The following ADGRE3 variants were observed in gnomAD, a reference collection of about 807,000 sequenced individuals.
ADGRE3 encodes adhesion G protein-coupled receptor E3, also known as EGF-like module receptor 3.
ADGRE3 carries 88 observed loss-of-function variants against 80.1 expected under a neutral mutation model. The ratio of observed to expected loss-of-function variants is 1.10; its 90% CI spans 0.93 to 1.31. The LOEUF (loss-of-function observed/expected upper bound fraction) is 1.31. Ranked by LOEUF, ADGRE3 falls within the 40% of genes most tolerant of loss-of-function variation. The pLI is 0.00. For missense variants in ADGRE3, 715 were observed against 776.5 expected (o/e 0.92, Z 0.94); for synonymous variants, 281 against 294.8 (o/e 0.95, Z 0.48).
chr19:14,627,416 T>A (rs1270263735), intron 14 of ADGRE3, among the ~76,000 whole-genome samples: 1 of 152,224 alleles, frequency 6.6e-6, no homozygotes, highest in East Asian at 1.9e-4. Context: ...CTCGCTCTGT[T>A]GCTCAGGCTG....
chr19:14,630,597 G>T (rs1348256726), intron 13 of ADGRE3, among the ~76,000 whole-genome samples: 2 of 151,778 alleles, frequency 1.3e-5, no homozygotes, highest in Non-Finnish European at 2.9e-5. Flanking sequence ...TATTTTTAGT[G>T]GAGATGGGGT....
At chr19:14,623,301 A>T (rs1409268797) in intron 15 of ADGRE3, among the ~76,000 whole-genome samples, 771 of 24,652 alleles carry the variant, frequency 0.031, 204 homozygotes, top group African/African-American at 0.17. Flanking sequence ...AAAAAAAATA[A>T]AAAAAAAAAA....
At chr19:14,630,693 C>T (rs914521238) in intron 13 of ADGRE3, among the ~76,000 whole-genome samples, 3 of 151,706 alleles carry the variant, frequency 2.0e-5, no homozygotes, top group East Asian at 2.0e-4. Context: ...GGATTAAAGG[C>T]GTGAACCACT....
At chr19:14,612,724 G>A in the ADGRE3 span, among the ~76,000 whole-genome samples, 2 of 152,104 alleles carry the variant, frequency 1.3e-5, no homozygotes, top group African/African-American at 4.8e-5. Context: ...ATTTGGGAGG[G>A]GTGGCACAAT....
At chr19:14,636,911 T>C (rs557544319) in intron 11 of ADGRE3, among the ~76,000 whole-genome samples, 4 of 152,142 alleles carry the variant, frequency 2.6e-5, no homozygotes, top group African/African-American at 7.2e-5. Context: ...CTGGTCAACA[T>C]GGTGAAACCC....
chr19:14,654,125 G>A (rs1018320329), intron 6 of ADGRE3, among the ~76,000 whole-genome samples: 7 of 151,630 alleles, frequency 4.6e-5, no homozygotes, highest in Admixed American at 2.0e-4. Flanking sequence ...GCTAATTTCT[G>A]TATTTTTAGT....
At chr19:14,653,598 G>GCTCT (rs1971665425) in intron 6 of ADGRE3, among the ~76,000 whole-genome samples, 2 of 151,590 alleles carry the variant, frequency 1.3e-5, no homozygotes, top group Non-Finnish European at 2.9e-5. Flanking sequence ...TTTGAGACAG[G>GCTCT]CTCTCACTCT....
In ADGRE3 at chr19:14,658,525, C is replaced by G. The variant is rs1749258937; in HGVS notation, c.381G>C (p.Glu127Asp). The change falls in exon 5 of 16, where the codon GAG becomes GAC. Residue 127 changes from glutamate to aspartate, a missense_variant. By Grantham distance (45) the Glu-to-Asp change is conservative. Transcript: ENST00000253673. ...CQDTTSSKTTEGRKELQKIVD... is the reference protein window; with the variant it reads ...CQDTTSSKTTDGRKELQKIVD... ...AGCCTCCACTCACCTCTTTCCTGCC[C>G]TCGGTTGTCTTTGAGGAGGTGGTGT... 4 of 1,569,218 alleles carry G rather than the reference C, an allele frequency of 2.5e-6. No individual in the cohort carries two copies. Among genetic ancestry groups the G allele is most frequent in the Admixed American group, 1.8e-5 (1 of 55,544 alleles).
intron 8 of ADGRE3, among the ~76,000 whole-genome samples, chr19:14,646,738 CTTTG>C (rs1175614157): frequency 1.1e-4 from 13 of 118,474 alleles, no homozygotes; most frequent in Non-Finnish European, 2.1e-4. Flanking sequence ...CTTCTTTCCT[CTTTG>C]TTTCTTTGTT....
the ADGRE3 span, among the ~76,000 whole-genome samples, chr19:14,602,049 C>T: frequency 4.6e-5 from 7 of 152,132 alleles, no homozygotes; most frequent in African/African-American, 1.7e-4. Flanking sequence ...GCCTCGGCCT[C>T]CCAAAGTGCT....
chr19:14,666,988 G>T (rs961307481), intron 2 of ADGRE3, among the ~76,000 whole-genome samples: 1 of 152,182 alleles, frequency 6.6e-6, no homozygotes, highest in African/African-American at 2.4e-5. Context: ...GGTCTGTACA[G>T]ATGTAATCAA....
At chr19:14,672,603 C>T (rs1459380275) in intron 1 of ADGRE3, among the ~76,000 whole-genome samples, 1 of 152,062 alleles carries the variant, frequency 6.6e-6, no homozygotes, top group Non-Finnish European at 1.5e-5. Context: ...TCTCTTTTTG[C>T]CTAATTGCTC....
Position 14,630,167 on chromosome 19 carries a change from C to T in ADGRE3, c.1684G>A (p.Gly562Ser). ...AGCAAGCCCAGACACCATGTGCAGC[C>T]CAGGATGAAGAGCTGAGCTGTTGCT... ...FKATAQLFILGCTWCLGLLQV... is the reference protein window; with the variant it reads ...FKATAQLFILSCTWCLGLLQV... The change falls in exon 14 of 16, where the codon GGC becomes AGC. Residue 562 changes from glycine (G) to serine (S), a missense_variant. Physicochemically the swap from Gly to Ser is moderately conservative, Grantham distance 56. Coordinates refer to ENST00000253673, the MANE Select transcript of ADGRE3 (RefSeq NM_032571.5). The T allele has an allele frequency of 6.2e-7, 1 of 1,611,988 alleles. No individual in the cohort carries two copies. The highest frequency in any genetic ancestry group is 8.5e-7 in the Non-Finnish European group (1 of 1,178,710).
chr19:14,623,699 A>G (rs1445316919), intron 15 of ADGRE3, among the ~76,000 whole-genome samples: 1 of 152,074 alleles, frequency 6.6e-6, no homozygotes, highest in Non-Finnish European at 1.5e-5. Flanking sequence ...CCACATCTTT[A>G]TGGACAGTGG....
chr19:14,617,377 C>CTTTCTTTCTTTTTCTTTCTTT, downstream of ADGRE3, among the ~76,000 whole-genome samples: 2 of 86,362 alleles, frequency 2.3e-5, no homozygotes, highest in East Asian at 7.0e-4. Flanking sequence ...TTTCTTTCTT[C>CTTTCTTTCTTTTTCTTTCTTT]CTTTCTTTCT....
At chr19:14,641,013 A>G (rs1971232495) in intron 10 of ADGRE3, among the ~76,000 whole-genome samples, 1 of 152,134 alleles carries the variant, frequency 6.6e-6, no homozygotes, top group African/African-American at 2.4e-5. Flanking sequence ...TAATACAACC[A>G]ATGATACTAG....
rs1267289928 is a variant in ADGRE3 at position 14,638,225 on chromosome 19, T to A, written c.1364A>T (p.Asn455Ile). The change falls in exon 11 of 16, where the codon AAC (asparagine) becomes ATC (isoleucine). Residue 455 changes from asparagine to isoleucine, a missense_variant. Physicochemically the swap from Asn to Ile is moderately radical, Grantham distance 149 (BLOSUM62 -3). Coordinates refer to ENST00000253673, the MANE Select transcript of ADGRE3 (RefSeq NM_032571.5). ...CATGAGTCTATTGATGCTTGAGTAG[T>A]TGACCACTGTCAGGTTCCGTGCAGT... is the stretch of plus-strand genomic sequence containing the variant. ...FLTARNLTVV[N>I]YSSINRLMKW... 6.8e-6 allele frequency: 11 copies of A among 1,613,998 alleles called. No individual in the cohort carries two copies. The highest frequency in any genetic ancestry group is 1.3e-5 in the African/African-American group (1 of 74,912).
chr19:14,618,148 T>C (rs1340003270), downstream of ADGRE3, among the ~76,000 whole-genome samples: 1 of 152,202 alleles, frequency 6.6e-6, no homozygotes, highest in Non-Finnish European at 1.5e-5. Flanking sequence ...ATATTTATCA[T>C]GTACAACAGG....
intron 2 of ADGRE3, among the ~76,000 whole-genome samples, chr19:14,664,680 G>T (rs552161798): frequency 6.6e-6 from 1 of 152,200 alleles, no homozygotes; most frequent in East Asian, 1.9e-4. Flanking sequence ...TTACACTGCA[G>T]CCTCGGCGAC....
Sources: gnomAD v4.1 joint callset for allele counts (sites outside exome capture counted in the v4.1 genomes callset) on GRCh38, gnomAD v4.1.1 for gene constraint, MANE v1.5 for transcripts, NCBI Gene and HGNC (gene_info 2026-07-23, HGNC 2026-07-21) for gene names.